The following KCTD16 variants were observed in gnomAD, a reference collection of about 807,000 sequenced individuals.
The protein encoded by KCTD16 is BTB/POZ domain-containing protein KCTD16.
KCTD16 carries 13 observed loss-of-function variants against 33.2 expected under a neutral mutation model. The observed-to-expected ratio is 0.39, with a 90% CI of 0.25 to 0.62. The LOEUF (loss-of-function observed/expected upper bound fraction) is 0.62, where lower values mean the gene tolerates loss of function less well. Ranked by LOEUF, KCTD16 falls within the 20% of genes least tolerant of loss-of-function variation. KCTD16 has a pLI of 0.50. For synonymous variants in KCTD16, 197 were observed against 195.3 expected, an observed-to-expected ratio of 1.01 and a Z score of -0.07; for missense variants, 441 against 525.1, an observed-to-expected ratio of 0.84 and a Z score of 1.57.
chr5:144,215,286 C>T (rs1753528165), intron 3 of KCTD16, among the ~76,000 whole-genome samples: 1 of 152,076 alleles, frequency 6.6e-6, no homozygotes, highest in Admixed American at 6.6e-5. Context: ...TGGATGTGAC[C>T]AGGGTTTAAG....
At chr5:144,437,275 A>G (rs1753599931) in intron 3 of KCTD16, among the ~76,000 whole-genome samples, 1 of 152,202 alleles carries the variant, frequency 6.6e-6, no homozygotes, top group Non-Finnish European at 1.5e-5. Context: ...GCTGCCAGAG[A>G]ACAGGGAGAA....
intron 2 of KCTD16, among the ~76,000 whole-genome samples, chr5:144,175,700 T>G (rs901092112): frequency 6.6e-6 from 1 of 152,216 alleles, no homozygotes; most frequent in Non-Finnish European, 1.5e-5. Flanking sequence ...TTATTTAAAC[T>G]CTTTGTGCCT....
chr5:144,369,083 C>T (rs914035055), intron 3 of KCTD16, among the ~76,000 whole-genome samples: 1 of 152,078 alleles, frequency 6.6e-6, no homozygotes, highest in African/African-American at 2.4e-5. Flanking sequence ...CTCCTTTCTG[C>T]TTGCTTTGTG....
At chr5:144,408,865 C>T (rs1752870037) in intron 3 of KCTD16, among the ~76,000 whole-genome samples, 1 of 152,192 alleles carries the variant, frequency 6.6e-6, no homozygotes, top group Admixed American at 6.5e-5. Flanking sequence ...CTCCCCCAGA[C>T]CTTCAAATGT....
chr5:144,391,782 A>G (rs920086564), intron 3 of KCTD16, among the ~76,000 whole-genome samples: 4 of 152,230 alleles, frequency 2.6e-5, no homozygotes, highest in Non-Finnish European at 5.9e-5. Flanking sequence ...GTTTAATGCT[A>G]ACATTTGGAT....
At chr5:144,400,218 G>A (rs963515355) in intron 3 of KCTD16, among the ~76,000 whole-genome samples, 2 of 152,184 alleles carry the variant, frequency 1.3e-5, no homozygotes, top group Admixed American at 6.6e-5. Context: ...CAGGGAAGAA[G>A]GGAGAGCAAT....
intron 2 of KCTD16, among the ~76,000 whole-genome samples, chr5:144,204,348 C>G (rs895352250): frequency 1.2e-4 from 19 of 152,138 alleles, no homozygotes; most frequent in Non-Finnish European, 2.6e-4. Context: ...CCCTAAGACA[C>G]TGGTGTTTTA....
At chr5:144,236,077 C>T (rs1210276297) in intron 3 of KCTD16, among the ~76,000 whole-genome samples, 3 of 152,038 alleles carry the variant, frequency 2.0e-5, no homozygotes, top group Admixed American at 1.3e-4. Flanking sequence ...AAAGCATCTA[C>T]CAAGGTTTTC....
chr5:144,412,900 ATAAG>A (rs927865544), intron 3 of KCTD16, among the ~76,000 whole-genome samples: 4 of 152,154 alleles, frequency 2.6e-5, no homozygotes, highest in South Asian at 4.1e-4. Context: ...AAATAAATAA[ATAAG>A]TAAGATCTAA....
chr5:144,394,565 A>G (rs576468665), intron 3 of KCTD16, among the ~76,000 whole-genome samples: 1 of 152,330 alleles, frequency 6.6e-6, no homozygotes, highest in Admixed American at 6.5e-5. Flanking sequence ...CCCCACCCAA[A>G]TCTCATCTTG....
At chr5:144,396,308 C>T (rs1752566881) in intron 3 of KCTD16, among the ~76,000 whole-genome samples, 1 of 152,182 alleles carries the variant, frequency 6.6e-6, no homozygotes, top group Non-Finnish European at 1.5e-5. Context: ...CCCTTGACAT[C>T]TTTATCCTTT....
intron 3 of KCTD16, among the ~76,000 whole-genome samples, chr5:144,343,307 G>C (rs1216706753): frequency 6.6e-6 from 1 of 151,962 alleles, no homozygotes; most frequent in Non-Finnish European, 1.5e-5. Context: ...TTAGTCTTGG[G>C]AGGGTGTATG....
chr5:144,388,272 G>A (rs1331392670), intron 3 of KCTD16, among the ~76,000 whole-genome samples: 4 of 151,416 alleles, frequency 2.6e-5, no homozygotes, highest in South Asian at 2.1e-4. Context: ...TAGTAGAGAC[G>A]GGGTTTCACC....
intron 3 of KCTD16, among the ~76,000 whole-genome samples, chr5:144,265,605 G>A (rs1755120812): frequency 6.6e-6 from 1 of 152,162 alleles, no homozygotes; most frequent in Non-Finnish European, 1.5e-5. Flanking sequence ...CACGAAGTTG[G>A]CTGTATCTTC....
intron 3 of KCTD16, among the ~76,000 whole-genome samples, chr5:144,383,431 C>T (rs553515084): frequency 1.6e-4 from 25 of 151,772 alleles, no homozygotes; most frequent in African/African-American, 6.0e-4. Flanking sequence ...TTGTTTTCTC[C>T]CTAGTCTTTT....
intron 3 of KCTD16, among the ~76,000 whole-genome samples, chr5:144,395,999 G>A (rs924445717): frequency 6.6e-6 from 1 of 152,168 alleles, no homozygotes; most frequent in Admixed American, 6.5e-5. Flanking sequence ...ATGTGCAAGA[G>A]ACTATATGAA....
At chr5:144,411,291 A>C (rs1308821638) in intron 3 of KCTD16, among the ~76,000 whole-genome samples, 15 of 152,188 alleles carry the variant, frequency 9.9e-5, no homozygotes, top group Admixed American at 9.8e-4. Context: ...AATATACTAC[A>C]AAGCTGTAGT....
At chr5:144,441,019 T>C (rs985168081) in intron 3 of KCTD16, among the ~76,000 whole-genome samples, 2 of 152,098 alleles carry the variant, frequency 1.3e-5, no homozygotes, top group African/African-American at 4.8e-5. Context: ...GATAGTTTGC[T>C]GAGAATGAAT....
intron 3 of KCTD16, among the ~76,000 whole-genome samples, chr5:144,308,611 T>C (rs938832131): frequency 4.6e-5 from 7 of 152,190 alleles, no homozygotes; most frequent in Non-Finnish European, 8.8e-5. Context: ...TGCCTTGACC[T>C]ATCATTTGTG....
Sources: gnomAD v4.1 joint callset for allele counts (sites outside exome capture counted in the v4.1 genomes callset) on GRCh38, gnomAD v4.1.1 for gene constraint, MANE v1.5 for transcripts, NCBI Gene and HGNC (gene_info 2026-07-23, HGNC 2026-07-21) for gene names.